TG: variants seen among roughly 807,000 people sequenced by gnomAD.
TG encodes the protein thyroid hormones.
TG carries 270 observed loss-of-function variants against 324.7 expected under a neutral mutation model. The ratio of observed to expected loss-of-function variants is 0.83; its 90% CI spans 0.75 to 0.92. The LOEUF is 0.92. Among genes scored for constraint, TG ranks in the 40% least tolerant of loss-of-function variants. The pLI, the probability that TG is intolerant of heterozygous loss-of-function variation, is 0.00. For synonymous variants in TG, 1,401 were observed against 1,327.0 expected (o/e 1.06, Z -1.21); for missense variants, 3,591 against 3,456.4 (o/e 1.04, Z -0.98).
At chr8:133,105,265 C>T (rs1010516916) in intron 43 of TG, among the ~76,000 whole-genome samples, 1 of 152,156 alleles carries the variant, frequency 6.6e-6, no homozygotes, top group African/African-American at 2.4e-5. Flanking sequence ...CTCCCCTAAG[C>T]CCCTGCCAAG....
At chr8:132,983,453 C>G in intron 35 of TG, 41 bp downstream of exon 35, 1 of 1,554,664 alleles carries the variant, frequency 6.4e-7, no homozygotes, top group African/African-American at 1.4e-5. Flanking sequence ...GAGAGTACCC[C>G]CTCATTCATC....
intron 22 of TG, among the ~76,000 whole-genome samples, chr8:132,924,388 G>T (rs990326807): frequency 1.3e-5 from 2 of 152,158 alleles, no homozygotes; most frequent in Non-Finnish European, 2.9e-5. Flanking sequence ...GACTTCTGTT[G>T]TAGAAGACTT....
chr8:132,998,982 T>C (rs566177114), intron 35 of TG, among the ~76,000 whole-genome samples: 17 of 152,124 alleles, frequency 1.1e-4, no homozygotes, highest in Non-Finnish European at 2.5e-4. Context: ...CTAGGCATTC[T>C]CAGTTAAGGA....
chr8:132,914,625 A>G (rs1820024676), intron 20 of TG, among the ~76,000 whole-genome samples: 1 of 152,204 alleles, frequency 6.6e-6, no homozygotes, highest in African/African-American at 2.4e-5. Flanking sequence ...TTCAGATTAA[A>G]TGAGATGGGG....
intron 15 of TG, among the ~76,000 whole-genome samples, chr8:132,901,016 C>G (rs1303809138): frequency 6.6e-6 from 1 of 152,230 alleles, no homozygotes; most frequent in South Asian, 2.1e-4. Flanking sequence ...TCCAGGAAGC[C>G]TCTGCTGGCC....
intron 41 of TG, among the ~76,000 whole-genome samples, chr8:133,088,237 G>A (rs2131586105): frequency 6.6e-6 from 1 of 151,400 alleles, no homozygotes. Flanking sequence ...CTGTGATGGA[G>A]GAGCCAGGCT....
chr8:133,107,313 T>A (rs926790681), intron 43 of TG, among the ~76,000 whole-genome samples: 1 of 152,220 alleles, frequency 6.6e-6, no homozygotes, highest in African/African-American at 2.4e-5. Flanking sequence ...CCCTGCTCAG[T>A]CCCTCGGTGT....
chr8:132,887,392 G>A lies in TG; in HGVS notation c.2020G>A (p.Gly674Ser). The change falls in exon 9 of 48, where the codon GGC becomes AGC. Residue 674 changes from glycine to serine, a missense_variant. By Grantham distance (56) the Gly-to-Ser change is moderately conservative. Transcript: ENST00000220616. The part of the protein sequence containing the change: ...KQRARMQSLM[G>S]SQPAGSTLFV... Reference sequence around the variant, plus strand: ...AAGGGCTCGCATGCAAAGCCTCATGGGCAGCCAGCCTGCTGGCTCCACCTT... The same window carrying A: ...AAGGGCTCGCATGCAAAGCCTCATGAGCAGCCAGCCTGCTGGCTCCACCTT... 3 of 1,614,164 alleles carry A rather than the reference G, an allele frequency of 1.9e-6. No individual in the cohort carries two copies. Among genetic ancestry groups the A allele is most frequent in the Non-Finnish European group, 2.5e-6 (3 of 1,180,030 alleles).
intron 41 of TG, chr8:133,049,231 T>G (rs532052106): frequency 1.2e-4 from 52 of 438,668 alleles, no homozygotes; most frequent in Admixed American, 1.1e-4. Flanking sequence ...TGAGCCTAGT[T>G]TTCTAAGATA....
chr8:133,043,545 G>A (rs993455930), intron 41 of TG, among the ~76,000 whole-genome samples: 1 of 152,208 alleles, frequency 6.6e-6, no homozygotes, highest in Non-Finnish European at 1.5e-5. Context: ...ATGAACGATT[G>A]TGTTTAATAA....
intron 24 of TG, among the ~76,000 whole-genome samples, chr8:132,934,055 G>A (rs570209951): frequency 7.9e-5 from 12 of 152,244 alleles, no homozygotes; most frequent in East Asian, 3.9e-4. Flanking sequence ...CGTGGTTGGA[G>A]GGCACGGTGG....
chr8:132,881,470 T>C (rs1401222637), intron 5 of TG, among the ~76,000 whole-genome samples: 1 of 152,214 alleles, frequency 6.6e-6, no homozygotes, highest in East Asian at 1.9e-4. Flanking sequence ...ATGTACCATA[T>C]GTTTGTAAAG....
chr8:132,905,953 T>C (rs576315337), intron 16 of TG, among the ~76,000 whole-genome samples: 7 of 151,872 alleles, frequency 4.6e-5, no homozygotes, highest in Admixed American at 2.6e-4. Flanking sequence ...CCTGGAGGCA[T>C]TGGGGAGCTG....
intron 38 of TG, 92 bp downstream of exon 38, chr8:133,018,089 C>T: frequency 7.9e-7 from 1 of 1,267,622 alleles, no homozygotes; most frequent in Non-Finnish European, 1.1e-6. Flanking sequence ...CAGAGCAGTG[C>T]ATTTTGGATA....
intron 11 of TG, among the ~76,000 whole-genome samples, chr8:132,895,809 G>A (rs1817008004): frequency 1.3e-5 from 2 of 152,260 alleles, no homozygotes; most frequent in Non-Finnish European, 2.9e-5. Flanking sequence ...GAAATGTCGA[G>A]AAAGGGGAGG....
intron 41 of TG, among the ~76,000 whole-genome samples, chr8:133,043,033 G>T (rs1206241270): frequency 6.6e-6 from 1 of 152,030 alleles, no homozygotes; most frequent in Non-Finnish European, 1.5e-5. Flanking sequence ...AGATAAAAGT[G>T]GCCATGTGGC....
chr8:132,911,384 C>T lies in TG; in HGVS notation c.4010C>T (p.Thr1337Ile), dbSNP rs746111334. The T allele has an allele frequency of 1.9e-6, 3 of 1,614,190 alleles. No individual in the cohort carries two copies. Among genetic ancestry groups the T allele is most frequent in the Non-Finnish European group, 2.5e-6 (3 of 1,180,036 alleles). Reference sequence around the variant, plus strand: ...GTGTCTGTCTTCTTGTAGGTGAAGACTTTTGGCACCCTGGTTTCCATTCCT... The same window carrying T: ...GTGTCTGTCTTCTTGTAGGTGAAGATTTTTGGCACCCTGGTTTCCATTCCT... The part of the protein sequence containing the change: ...ARGFCQIQVK[T>I]FGTLVSIPVC... The change falls in exon 19 of 48, where the codon ACT (threonine) becomes ATT (isoleucine). Residue 1337 changes from threonine to isoleucine, a missense_variant. By Grantham distance (89) the Thr-to-Ile change is moderately conservative. Coordinates refer to ENST00000220616, the MANE Select transcript of TG (RefSeq NM_003235.5).
chr8:132,936,507 CTT>C (rs767903930), intron 25 of TG, among the ~76,000 whole-genome samples: 10 of 152,210 alleles, frequency 6.6e-5, no homozygotes, highest in Non-Finnish European at 1.2e-4. Context: ...GGGGACCACA[CTT>C]TGAGTAGCAA....
intron 25 of TG, among the ~76,000 whole-genome samples, chr8:132,936,384 T>A (rs1327638857): frequency 6.6e-6 from 1 of 152,204 alleles, no homozygotes; most frequent in East Asian, 1.9e-4. Flanking sequence ...GACGTTTTCC[T>A]CCCAGTGAAC....
Sources: gnomAD v4.1 joint callset for allele counts (sites outside exome capture counted in the v4.1 genomes callset) on GRCh38, gnomAD v4.1.1 for gene constraint, MANE v1.5 for transcripts, NCBI Gene and HGNC (gene_info 2026-07-23, HGNC 2026-07-21) for gene names.